NALF1: variants seen among roughly 807,000 people sequenced by gnomAD.
NALF1 encodes family with sequence similarity 155 member A.
A neutral mutation model predicts 48.4 loss-of-function variants in NALF1; 3 were observed. That is an observed-to-expected ratio of 0.06 (90% CI 0.03 to 0.16). The LOEUF is 0.16. Ranked by LOEUF, NALF1 falls within the 10% of genes least tolerant of loss-of-function variation. The pLI is 1.00. For missense variants in NALF1, 526 were observed against 571.5 expected (o/e 0.92, Z 0.81); for synonymous variants, 262 against 245.7 (o/e 1.07, Z -0.62).
chr13:107,858,258 G>A (rs537488194), intron 1 of NALF1, among the ~76,000 whole-genome samples: 19 of 152,222 alleles, frequency 1.2e-4, no homozygotes, highest in African/African-American at 3.1e-4. Context: ...GGCAAAATTC[G>A]TAATAATTGT....
intron 1 of NALF1, among the ~76,000 whole-genome samples, chr13:107,608,102 T>G (rs1879120961): frequency 6.6e-6 from 1 of 152,210 alleles, no homozygotes; most frequent in Non-Finnish European, 1.5e-5. Flanking sequence ...CCTCTAAGTA[T>G]GAAACAACTT....
intron 1 of NALF1, among the ~76,000 whole-genome samples, chr13:107,363,424 T>C (rs1303567112): frequency 1.3e-5 from 2 of 152,080 alleles, no homozygotes; most frequent in African/African-American, 4.8e-5. Context: ...TGAGACCACG[T>C]TTCTACAAAA....
chr13:107,198,628 A>C (rs1182491259), intron 2 of NALF1, among the ~76,000 whole-genome samples: 2 of 152,234 alleles, frequency 1.3e-5, no homozygotes, highest in Non-Finnish European at 2.9e-5. Flanking sequence ...CAAAACTTAA[A>C]GGCATTGCTC....
intron 1 of NALF1, among the ~76,000 whole-genome samples, chr13:107,640,121 TGAAAAG>T (rs1241086000): frequency 2.0e-5 from 3 of 152,064 alleles, no homozygotes; most frequent in Admixed American, 6.6e-5. Flanking sequence ...CTTTGGTGAG[TGAAAAG>T]GAAATCATTT....
intron 2 of NALF1, among the ~76,000 whole-genome samples, chr13:107,178,628 A>G (rs1181289606): frequency 6.6e-6 from 1 of 152,132 alleles, no homozygotes; most frequent in African/African-American, 2.4e-5. Context: ...CACTATGGAG[A>G]AAAGTATGGA....
intron 1 of NALF1, among the ~76,000 whole-genome samples, chr13:107,405,938 C>T (rs1294506963): frequency 6.6e-6 from 1 of 152,068 alleles, no homozygotes; most frequent in African/African-American, 2.4e-5. Flanking sequence ...TACCTCAATA[C>T]TTCTCCCATT....
chr13:107,597,985 A>G (rs1878804282), intron 1 of NALF1, among the ~76,000 whole-genome samples: 1 of 152,196 alleles, frequency 6.6e-6, no homozygotes, highest in Non-Finnish European at 1.5e-5. Context: ...TGAAGATTAT[A>G]TGTTACAGTG....
chr13:107,541,644 ATG>A (rs1019156598), intron 1 of NALF1, among the ~76,000 whole-genome samples: 3 of 151,974 alleles, frequency 2.0e-5, no homozygotes, highest in Non-Finnish European at 2.9e-5. Context: ...TTGGTGATAT[ATG>A]TGTGTGTGTG....
At chr13:107,287,701 TC>T (rs1881524036) in intron 1 of NALF1, among the ~76,000 whole-genome samples, 1 of 110,746 alleles carries the variant, frequency 9.0e-6, no homozygotes, top group African/African-American at 2.8e-5. Flanking sequence ...TCTTTTCTTT[TC>T]TTTCTTTTTT....
intron 1 of NALF1, among the ~76,000 whole-genome samples, chr13:107,657,890 G>A (rs1880626308): frequency 1.3e-5 from 2 of 152,152 alleles, no homozygotes; most frequent in Admixed American, 1.3e-4. Flanking sequence ...TCATGATTTA[G>A]AATTCCTTTA....
At chr13:107,302,967 T>G (rs1466403570) in intron 1 of NALF1, among the ~76,000 whole-genome samples, 1 of 152,210 alleles carries the variant, frequency 6.6e-6, no homozygotes. Context: ...AGGCTGTAGT[T>G]TGCCAACTTG....
At chr13:107,854,930 A>G (rs562918039) in intron 1 of NALF1, among the ~76,000 whole-genome samples, 1 of 152,090 alleles carries the variant, frequency 6.6e-6, no homozygotes, top group South Asian at 2.1e-4. Flanking sequence ...TCTGTGAGGC[A>G]GTTCATTTGG....
chr13:107,722,200 T>C (rs1364323636), intron 1 of NALF1, among the ~76,000 whole-genome samples: 5 of 152,096 alleles, frequency 3.3e-5, no homozygotes, highest in African/African-American at 4.8e-5. Flanking sequence ...GCGTCACTCA[T>C]ATCCTTTCTG....
chr13:107,818,264 T>C (rs934022223), intron 1 of NALF1, among the ~76,000 whole-genome samples: 1 of 152,162 alleles, frequency 6.6e-6, no homozygotes, highest in Non-Finnish European at 1.5e-5. Context: ...GCCCACCTGC[T>C]GCTCTTCCTT....
intron 1 of NALF1, among the ~76,000 whole-genome samples, chr13:107,679,992 T>C (rs943314764): frequency 6.6e-6 from 1 of 152,110 alleles, no homozygotes; most frequent in African/African-American, 2.4e-5. Context: ...TCCCTCGACA[T>C]CCCCAGGACA....
rs148981785 is a variant in NALF1 at position 107,444,317 on chromosome 13, G to A, written c.916-233562C>T. Among the ~76,000 whole-genome samples the A allele has an allele frequency of 2.4e-4, 36 of 152,270 alleles. 1 individual carries two copies. Among genetic ancestry groups the A allele is most frequent in the African/African-American group, 8.2e-4 (34 of 41,552 alleles). ...GTCTTTGACTTGGTCTCTTCACCCTGTAGCAGACTTACATTGATTGATGGG... is the reference window on the plus strand; with the variant it reads ...GTCTTTGACTTGGTCTCTTCACCCTATAGCAGACTTACATTGATTGATGGG... On this transcript the variant is annotated intron_variant, in intron 1 of 2. Transcript: ENST00000375915.
chr13:107,763,766 T>A (rs1231661609), intron 1 of NALF1, among the ~76,000 whole-genome samples: 2 of 152,142 alleles, frequency 1.3e-5, no homozygotes, highest in Non-Finnish European at 2.9e-5. Flanking sequence ...ATCACTGAAT[T>A]AATACATCAA....
At position 107,733,546 on chromosome 13, in the gene NALF1, A is replaced by G. The variant is rs559328142; in HGVS notation, c.915+132136T>C. Among the ~76,000 whole-genome samples, 84 of 152,274 alleles carry G rather than the reference A, an allele frequency of 5.5e-4. No individual in the cohort carries two copies. In the South Asian group the frequency reaches 0.017, roughly 30 times the overall value. On this transcript the variant is annotated intron_variant, in intron 1 of 2. Coordinates refer to ENST00000375915, the MANE Select transcript of NALF1 (RefSeq NM_001080396.3). ...GTATCTTTAAAAAACAAAATTATAC[A>G]AATAGTCAAAGAGAGTAACACATCA...
intron 1 of NALF1, among the ~76,000 whole-genome samples, chr13:107,421,977 A>T (rs1490835625): frequency 6.6e-6 from 1 of 152,152 alleles, no homozygotes; most frequent in African/African-American, 2.4e-5. Flanking sequence ...ACAGTGAATA[A>T]GGCATAAAAT....
Sources: gnomAD v4.1 joint callset for allele counts (sites outside exome capture counted in the v4.1 genomes callset) on GRCh38, gnomAD v4.1.1 for gene constraint, MANE v1.5 for transcripts, NCBI Gene and HGNC (gene_info 2026-07-23, HGNC 2026-07-21) for gene names.